ATP10B: variants seen among roughly 807,000 people sequenced by gnomAD.
ATP10B encodes the protein ATPase phospholipid transporting 10B (putative), also known as phospholipid-transporting ATPase VB.
ATP10B carries 122 observed loss-of-function variants against 141.2 expected under a neutral mutation model. The ratio of observed to expected loss-of-function variants is 0.86; its 90% CI spans 0.75 to 1.00. The LOEUF (loss-of-function observed/expected upper bound fraction) is 1.00. Among genes scored for constraint, ATP10B ranks in the 50% least tolerant of loss-of-function variants. The probability of loss-of-function intolerance (pLI) is 0.00; values close to 1 mark genes in which losing one functional copy is unlikely to be tolerated. For missense variants in ATP10B, 1,876 were observed against 1,825.3 expected, an observed-to-expected ratio of 1.03 and a Z score of -0.51; for synonymous variants, 685 against 692.0, an observed-to-expected ratio of 0.99 and a Z score of 0.16.
rs143165975 is a variant in ATP10B at position 160,813,724 on chromosome 5, A to G, written c.-575-27921T>C. Among the ~76,000 whole-genome samples the G allele has an allele frequency of 7.0e-3, 1,060 of 152,248 alleles. 17 individuals carry two copies. Among genetic ancestry groups the G allele is most frequent in the African/African-American group, 0.024 (999 of 41,542 alleles). On this transcript the variant is annotated intron_variant, in intron 1 of 25. Coordinates refer to ENST00000327245, the MANE Select transcript of ATP10B (RefSeq NM_025153.3). The stretch of plus-strand genomic sequence containing the variant: ...TGACCCCTGAGTAGCCTAACTTGGA[A>G]GCACCCCCCAGTAGGGGCAGACTGA...
chr5:160,698,704 T>C (rs948999493), intron 3 of ATP10B, among the ~76,000 whole-genome samples: 1 of 151,706 alleles, frequency 6.6e-6, no homozygotes, highest in Non-Finnish European at 1.5e-5. Context: ...TATATATACA[T>C]GGAAAGGTAC....
At chr5:160,767,124 A>T (rs1211024675) in intron 2 of ATP10B, among the ~76,000 whole-genome samples, 1 of 152,238 alleles carries the variant, frequency 6.6e-6, no homozygotes, top group African/African-American at 2.4e-5. Context: ...GAGCTTAAAA[A>T]AAAGTAAAAA....
chr5:160,919,193 C>A, the ATP10B span, among the ~76,000 whole-genome samples: 2 of 112,172 alleles, frequency 1.8e-5, no homozygotes, highest in African/African-American at 7.6e-5. Context: ...CACTGCACTC[C>A]AGCCTGGGCG....
chr5:160,636,144 A>C (rs1759348317), intron 11 of ATP10B, 38 bp downstream of exon 11: 1 of 1,559,180 alleles, frequency 6.4e-7, no homozygotes. Flanking sequence ...TTTTGGCCAC[A>C]TATCTTATTG....
At chr5:160,900,426 T>A in the ATP10B span, among the ~76,000 whole-genome samples, 115 of 152,318 alleles carry the variant, frequency 7.5e-4, no homozygotes, top group East Asian at 0.014. Context: ...AGTGACAAGT[T>A]CATGGCTTGC....
At chr5:160,778,899 G>A (rs1770525570) in intron 2 of ATP10B, among the ~76,000 whole-genome samples, 2 of 151,778 alleles carry the variant, frequency 1.3e-5, no homozygotes, top group Admixed American at 1.3e-4. Context: ...GCTACCCTGA[G>A]TGAGTGATTC....
Position 160,604,063 on chromosome 5 carries a change from GTCTT to G in ATP10B, c.3161-26_3161-23del, listed in dbSNP as rs773098949. ...TCACCTGAAAGAGAGGTCATAACGT[GTCTT>G]TATTTTTGGTCCAACTGCTCAGTGA... On this transcript the variant is annotated intron_variant, in intron 19 of 25. Coordinates refer to ENST00000327245, the MANE Select transcript of ATP10B (RefSeq NM_025153.3). 5.5e-5 allele frequency: 88 copies of G among 1,604,712 alleles called. No individual in the cohort carries two copies. The South Asian group carries it at 9.1e-4, about 17-fold the overall frequency.
At position 160,774,548 on chromosome 5, in the gene ATP10B, G is replaced by C. The variant is rs561803427; in HGVS notation, c.-331+11011C>G. On this transcript the variant is annotated intron_variant, in intron 2 of 25. Transcript: ENST00000327245. Reference sequence around the variant, plus strand: ...AAGAATTATGTGCTTTGCCAGATTTGGCTCTATTAACTGTGCCCCACTTCC... The same window carrying C: ...AAGAATTATGTGCTTTGCCAGATTTCGCTCTATTAACTGTGCCCCACTTCC... 3.3e-5 allele frequency among the ~76,000 whole-genome samples: 5 copies of C among 152,210 alleles called. No individual in the cohort carries two copies. In the South Asian group the frequency reaches 8.3e-4, roughly 25 times the overall value.
intron 1 of ATP10B, among the ~76,000 whole-genome samples, chr5:160,818,653 A>G (rs990851652): frequency 2.0e-5 from 3 of 152,256 alleles, no homozygotes; most frequent in African/African-American, 2.4e-5. Flanking sequence ...TACTGGGTAT[A>G]TACCCAAAGG....
chr5:160,593,901 C>T (rs550675334), intron 22 of ATP10B, among the ~76,000 whole-genome samples: 9 of 152,268 alleles, frequency 5.9e-5, no homozygotes, highest in South Asian at 4.2e-4. Flanking sequence ...ACCAAATCTA[C>T]GTCTGATTGG....
chr5:160,887,726 G>A, the ATP10B span, among the ~76,000 whole-genome samples: 1,104 of 152,254 alleles, frequency 7.3e-3, 15 homozygotes, highest in African/African-American at 0.023. Context: ...TTCAGTCACT[G>A]TCCCTGCTGT....
chr5:160,881,313 A>G, the ATP10B span, among the ~76,000 whole-genome samples: 5 of 152,242 alleles, frequency 3.3e-5, no homozygotes, highest in Non-Finnish European at 5.9e-5. Context: ...AGAATGGGGA[A>G]TAAGAGAAAC....
chr5:160,870,434 G>A, the ATP10B span, among the ~76,000 whole-genome samples: 19,966 of 151,310 alleles, frequency 0.13, 1,395 homozygotes, highest in African/African-American at 0.16. Context: ...ACAATTTGAG[G>A]AGACAGAACA....
chr5:160,856,955 A>G (rs1438673967), upstream of ATP10B, among the ~76,000 whole-genome samples: 1 of 151,712 alleles, frequency 6.6e-6, no homozygotes, highest in Non-Finnish European at 1.5e-5. Context: ...TAATTGATGA[A>G]TTTTGTTTTC....
Position 160,565,385 on chromosome 5 carries a change from G to T in ATP10B, c.*68C>A, listed in dbSNP as rs548600008. On this transcript the variant is annotated 3_prime_UTR_variant, in exon 26 of 26. Coordinates refer to ENST00000327245, the MANE Select transcript of ATP10B (RefSeq NM_025153.3). ...CATTGTTTCCTCTATGAAGAAGAAG[G>T]GGTCAAGGGTTATGTGGACCAGTGA... 51 of 1,435,476 alleles carry T rather than the reference G, an allele frequency of 3.6e-5. No homozygotes were observed. In the Middle Eastern group the frequency reaches 1.1e-3, roughly 31 times the overall value. 88.9% of individuals were successfully genotyped at this position (1,435,476 alleles called of 1,614,324 possible).
intron 3 of ATP10B, among the ~76,000 whole-genome samples, chr5:160,716,189 A>T (rs144513645): frequency 0.01 from 1,525 of 152,324 alleles, 101 homozygotes; most frequent in Admixed American, 0.092. Context: ...AAAGAGTAGA[A>T]TAAAAAAATT....
chr5:160,648,547 C>T (rs891897660), intron 8 of ATP10B, among the ~76,000 whole-genome samples: 2 of 152,098 alleles, frequency 1.3e-5, no homozygotes, highest in Non-Finnish European at 2.9e-5. Context: ...AATGCTTAGG[C>T]TGAACCAAAG....
intron 8 of ATP10B, among the ~76,000 whole-genome samples, chr5:160,647,059 T>C (rs1282766877): frequency 6.6e-6 from 1 of 152,198 alleles, no homozygotes; most frequent in African/African-American, 2.4e-5. Flanking sequence ...GGTTTTGTTG[T>C]TGGTGGTGAT....
chr5:160,585,199 C>T (rs1466449051), intron 24 of ATP10B, among the ~76,000 whole-genome samples: 3 of 152,156 alleles, frequency 2.0e-5, no homozygotes, highest in African/African-American at 2.4e-5. Context: ...GATAAGCTCC[C>T]AAAACTACAT....
Sources: gnomAD v4.1 joint callset for allele counts (sites outside exome capture counted in the v4.1 genomes callset) on GRCh38, gnomAD v4.1.1 for gene constraint, MANE v1.5 for transcripts, NCBI Gene and HGNC (gene_info 2026-07-23, HGNC 2026-07-21) for gene names.